The following PDE4D variants were observed in gnomAD, a reference collection of about 807,000 sequenced individuals.
The protein encoded by PDE4D is 3',5'-cyclic-AMP phosphodiesterase 4D.
PDE4D carries 24 observed loss-of-function variants against 87.4 expected under a neutral mutation model. The ratio of observed to expected loss-of-function variants is 0.27; its 90% CI spans 0.20 to 0.39. The LOEUF is 0.39. Among genes scored for constraint, PDE4D ranks in the 10% least tolerant of loss-of-function variants. The probability of loss-of-function intolerance (pLI) is 1.00; values close to 1 mark genes in which losing one functional copy is unlikely to be tolerated. For missense variants in PDE4D, 714 were observed against 1,041.0 expected (o/e 0.69, Z 4.32); for synonymous variants, 384 against 383.2 (o/e 1.00, Z -0.02).
At chr5:59,233,636 A>G (rs980151931) in intron 1 of PDE4D, among the ~76,000 whole-genome samples, 4 of 152,114 alleles carry the variant, frequency 2.6e-5, no homozygotes, top group Non-Finnish European at 5.9e-5. Flanking sequence ...AGGAAAGGAT[A>G]TTACCTGGGG....
intron 5 of PDE4D, among the ~76,000 whole-genome samples, chr5:59,120,675 A>C (rs1301320272): frequency 1.3e-5 from 2 of 151,472 alleles, no homozygotes; most frequent in Non-Finnish European, 2.9e-5. Context: ...ATAAAAAAAA[A>C]CTTAAAATTT....
At chr5:59,852,251 T>C (rs141759733) in intron 1 of PDE4D, among the ~76,000 whole-genome samples, 178 of 152,186 alleles carry the variant, frequency 1.2e-3, no homozygotes, top group African/African-American at 4.1e-3. Flanking sequence ...GAATTCATTC[T>C]TTTCTGTAGT....
chr5:59,864,110 C>A (rs866329646), intron 1 of PDE4D, among the ~76,000 whole-genome samples: 1 of 152,064 alleles, frequency 6.6e-6, no homozygotes, highest in Non-Finnish European at 1.5e-5. Flanking sequence ...GTTCAATAAC[C>A]TCATGGTTCA....
At chr5:60,497,155 A>G (rs1224699784) in intron 1 of PDE4D, among the ~76,000 whole-genome samples, 2 of 152,206 alleles carry the variant, frequency 1.3e-5, no homozygotes, top group Non-Finnish European at 2.9e-5. Context: ...TATACATTTC[A>G]CATTTCAGTA....
At chr5:60,129,196 C>T (rs778236748) in intron 2 of PDE4D, among the ~76,000 whole-genome samples, 2 of 152,192 alleles carry the variant, frequency 1.3e-5, no homozygotes, top group African/African-American at 2.4e-5. Flanking sequence ...TATATAACAA[C>T]ATGCAAGTGC....
At chr5:59,087,727 A>C (rs1218171407) in intron 5 of PDE4D, among the ~76,000 whole-genome samples, 2 of 151,840 alleles carry the variant, frequency 1.3e-5, no homozygotes, top group African/African-American at 4.8e-5. Flanking sequence ...CTTCCCCATC[A>C]CCTATAGTGC....
intron 2 of PDE4D, among the ~76,000 whole-genome samples, chr5:60,072,532 T>C (rs922524924): frequency 1.3e-5 from 2 of 152,152 alleles, no homozygotes; most frequent in African/African-American, 2.4e-5. Flanking sequence ...TATCATTTTT[T>C]TGCTTTTGTT....
At chr5:59,122,720 T>C (rs1774762087) in intron 5 of PDE4D, among the ~76,000 whole-genome samples, 1 of 152,176 alleles carries the variant, frequency 6.6e-6, no homozygotes, top group Admixed American at 6.5e-5. Context: ...TTAAAAATAG[T>C]AAAGTCAAGA....
At chr5:60,494,170 A>G (rs910869861) in intron 1 of PDE4D, among the ~76,000 whole-genome samples, 4 of 152,176 alleles carry the variant, frequency 2.6e-5, no homozygotes, top group African/African-American at 9.7e-5. Flanking sequence ...AAAGTTTGAA[A>G]GCTTTGCATG....
chr5:60,411,712 C>A (rs1364914269), intron 1 of PDE4D, among the ~76,000 whole-genome samples: 1 of 152,044 alleles, frequency 6.6e-6, no homozygotes, highest in Non-Finnish European at 1.5e-5. Flanking sequence ...GGATTAAAAA[C>A]CAGATCTAAA....
chr5:59,357,548 G>A (rs146384585), intron 1 of PDE4D, among the ~76,000 whole-genome samples: 46 of 152,262 alleles, frequency 3.0e-4, no homozygotes, highest in African/African-American at 1.1e-3. Context: ...TGCCCTCAAG[G>A]AGATGCTGCG....
At chr5:59,028,115 C>A (rs571755645) in intron 6 of PDE4D, among the ~76,000 whole-genome samples, 11 of 152,242 alleles carry the variant, frequency 7.2e-5, no homozygotes, top group African/African-American at 2.6e-4. Context: ...CTGCATTATG[C>A]ATTTCTGCTA....
chr5:59,689,347 C>T (rs879770040), intron 1 of PDE4D, among the ~76,000 whole-genome samples: 2 of 152,180 alleles, frequency 1.3e-5, no homozygotes, highest in Non-Finnish European at 2.9e-5. Flanking sequence ...CCGAAGCCAG[C>T]AGCACATCAA....
chr5:59,671,014 C>T (rs1250905583), intron 1 of PDE4D, among the ~76,000 whole-genome samples: 6 of 152,134 alleles, frequency 3.9e-5, no homozygotes, highest in African/African-American at 1.4e-4. Flanking sequence ...CATATACCCA[C>T]ACACTTTCAA....
At chr5:59,374,284 T>C (rs1036478242) in intron 1 of PDE4D, among the ~76,000 whole-genome samples, 4 of 151,946 alleles carry the variant, frequency 2.6e-5, no homozygotes, top group African/African-American at 7.3e-5. Context: ...AAGAGACCCA[T>C]CTCACATGCA....
chr5:60,431,927 G>A (rs1744356849), intron 1 of PDE4D, among the ~76,000 whole-genome samples: 1 of 152,248 alleles, frequency 6.6e-6, no homozygotes, highest in Non-Finnish European at 1.5e-5. Flanking sequence ...ACGAAAACCT[G>A]TCAGGTGTGG....
chr5:59,411,592 T>C (rs1328058442), intron 1 of PDE4D, among the ~76,000 whole-genome samples: 3 of 152,176 alleles, frequency 2.0e-5, no homozygotes, highest in Admixed American at 6.5e-5. Context: ...GTTTACATGG[T>C]TGTCTCTGTG....
chr5:59,111,032 TA>T (rs1304684118), intron 5 of PDE4D, among the ~76,000 whole-genome samples: 2 of 152,200 alleles, frequency 1.3e-5, no homozygotes, highest in Admixed American at 6.5e-5. Context: ...GGATTTGAAC[TA>T]TGTCAAAAAG....
intron 1 of PDE4D, among the ~76,000 whole-genome samples, chr5:60,199,670 TA>T (rs1339261564): frequency 6.6e-6 from 1 of 151,692 alleles, no homozygotes; most frequent in African/African-American, 2.4e-5. Context: ...AGCGAAAGCA[TA>T]TAAATGAAAA....
Sources: allele counts gnomAD v4.1 joint callset (sites outside exome capture counted in the v4.1 genomes callset), GRCh38; gene constraint gnomAD v4.1.1; transcripts MANE v1.5; gene names NCBI Gene and HGNC (gene_info 2026-07-23, HGNC 2026-07-21).